The following CCDC63 variants were observed in gnomAD, a reference collection of about 807,000 sequenced individuals.
CCDC63 encodes the protein coiled-coil domain-containing protein 63.
In CCDC63, 54 loss-of-function variants were observed where a neutral mutation model predicts 63.6. The ratio of observed to expected loss-of-function variants is 0.85; its 90% CI spans 0.68 to 1.07. The LOEUF (loss-of-function observed/expected upper bound fraction) is 1.07, where lower values mean the gene tolerates loss of function less well. Among genes scored for constraint, CCDC63 ranks in the 50% least tolerant of loss-of-function variants. The pLI is 0.00. For missense variants in CCDC63, 637 were observed against 689.6 expected (o/e 0.92, Z 0.86); for synonymous variants, 253 against 266.1 (o/e 0.95, Z 0.48).
chr12:110,902,594 CCT>C (rs1009261575), intron 10 of CCDC63, among the ~76,000 whole-genome samples: 8 of 152,092 alleles, frequency 5.3e-5, no homozygotes, highest in Admixed American at 1.3e-4. Context: ...ACTATTATTC[CCT>C]CTCACCGCAG....
intron 1 of CCDC63, among the ~76,000 whole-genome samples, chr12:110,848,647 G>A (rs1363849332): frequency 2.6e-5 from 4 of 152,170 alleles, no homozygotes; most frequent in Non-Finnish European, 2.9e-5. Context: ...GGCTACGTTC[G>A]CCCAGCGTCT....
chr12:110,886,782 C>T lies in CCDC63; in HGVS notation c.1074+2532C>T, dbSNP rs559677893. On this transcript the variant is annotated intron_variant, in intron 8 of 11. Transcript: ENST00000308208. ...GGAGGTGTGGGGTGGGAGGTGCACC[C>T]GGGGGTGGGGAAGACAGACTTGAAG... Among the ~76,000 whole-genome samples the T allele has an allele frequency of 1.9e-4, 29 of 149,372 alleles. No individual in the cohort carries two copies. The South Asian group carries it at 6.1e-3, about 31-fold the overall frequency.
chr12:110,885,595 C>T (rs1386856963), intron 8 of CCDC63, among the ~76,000 whole-genome samples: 1 of 152,148 alleles, frequency 6.6e-6, no homozygotes, highest in Non-Finnish European at 1.5e-5. Flanking sequence ...CATGCATTTC[C>T]CTCCGCCACT....
intron 4 of CCDC63, among the ~76,000 whole-genome samples, chr12:110,865,606 A>G (rs1593652654): frequency 6.6e-6 from 1 of 152,344 alleles, no homozygotes; most frequent in East Asian, 1.9e-4. Flanking sequence ...TCATAGAACA[A>G]CCGTTAACTA....
chr12:110,881,296 G>C lies in CCDC63; in HGVS notation c.853G>C (p.Ala285Pro), dbSNP rs369450203. The change falls in exon 7 of 12, where the codon GCT becomes CCT. Residue 285 changes from alanine to proline, a missense_variant and splice_region_variant. Coordinates refer to ENST00000308208, the MANE Select transcript of CCDC63 (RefSeq NM_152591.3). ...EFEEQAKREE[A>P]LKAKKHVKKN... ...CGAGGAGCAGGCCAAAAGGGAGGAA[G>C]GTACACCCTCCAGGAGCAAGCTTGT... 1.2e-5 allele frequency: 20 copies of C among 1,612,624 alleles called. No individual in the cohort carries two copies. The African/African-American group carries it at 2.3e-4, about 18-fold the overall frequency.
chr12:110,882,096 GA>G (rs1421914744), intron 7 of CCDC63, among the ~76,000 whole-genome samples: 1 of 152,218 alleles, frequency 6.6e-6, no homozygotes, highest in Non-Finnish European at 1.5e-5. Flanking sequence ...CACCAAGCAA[GA>G]TCAGCACAGG....
intron 5 of CCDC63, among the ~76,000 whole-genome samples, chr12:110,878,714 C>T (rs1359310082): frequency 6.6e-6 from 1 of 152,144 alleles, no homozygotes; most frequent in Non-Finnish European, 1.5e-5. Context: ...ACTGCAGATG[C>T]CCTTACGAGG....
intron 9 of CCDC63, among the ~76,000 whole-genome samples, 184 bp downstream of exon 9, chr12:110,893,334 G>A (rs1325432871): frequency 6.6e-6 from 1 of 152,112 alleles, no homozygotes; most frequent in Non-Finnish European, 1.5e-5. Context: ...GTTTTGTCCC[G>A]GGCAGCCTCT....
intron 8 of CCDC63, among the ~76,000 whole-genome samples, chr12:110,885,229 T>C (rs947583441): frequency 2.6e-5 from 4 of 151,372 alleles, no homozygotes; most frequent in African/African-American, 9.7e-5. Context: ...CCTGCAAAGC[T>C]GAAAGTATTT....
At chr12:110,849,496 T>TC (rs1403718635) in intron 1 of CCDC63, among the ~76,000 whole-genome samples, 3 of 128,016 alleles carry the variant, frequency 2.3e-5, no homozygotes, top group Non-Finnish European at 3.3e-5. Flanking sequence ...AGCTCTTATT[T>TC]CCTTTTTTTT....
intron 8 of CCDC63, among the ~76,000 whole-genome samples, chr12:110,888,783 TTCTTTCCTTCC>T (rs1416771301): frequency 3.4e-5 from 5 of 146,230 alleles, no homozygotes; most frequent in African/African-American, 1.3e-4. Context: ...TTTTTGGTCC[TTCTTTCCTTCC>T]TTCCTTCCTT....
intron 5 of CCDC63, among the ~76,000 whole-genome samples, chr12:110,876,976 C>T (rs936292058): frequency 3.3e-5 from 5 of 151,690 alleles, no homozygotes; most frequent in African/African-American, 1.2e-4. Context: ...CCTGTGATTG[C>T]ACCATTTTAT....
Position 110,852,752 on chromosome 12 carries a change from G to A in CCDC63, c.-96-107G>A, listed in dbSNP as rs556542489. Reference sequence around the variant, plus strand: ...CTGGGTATCCTCCTCATGTGCCAAGGTGTGGGTGGAGGAAGGGATGGCAGG... The same window carrying A: ...CTGGGTATCCTCCTCATGTGCCAAGATGTGGGTGGAGGAAGGGATGGCAGG... On this transcript the variant is annotated intron_variant, in intron 1 of 11. Coordinates refer to ENST00000308208, the MANE Select transcript of CCDC63 (RefSeq NM_152591.3). 1.5e-5 allele frequency: 11 copies of A among 720,584 alleles called. No individual in the cohort carries two copies. The African/African-American group carries it at 1.9e-4, about 12-fold the overall frequency. The allele number at this position is 720,584 out of a possible 1,614,324, so 44.6% of individuals were successfully genotyped here. A position where few individuals can be genotyped will look rare whatever the true frequency, so the allele number is the denominator to read the frequency against.
At chr12:110,854,880 C>T (rs2070751713) in intron 3 of CCDC63, among the ~76,000 whole-genome samples, 1 of 152,110 alleles carries the variant, frequency 6.6e-6, no homozygotes, top group Non-Finnish European at 1.5e-5. Flanking sequence ...CTCACTGCAA[C>T]CTCTGCCTCT....
At chr12:110,850,117 T>C (rs1387602094) in intron 1 of CCDC63, among the ~76,000 whole-genome samples, 1 of 152,238 alleles carries the variant, frequency 6.6e-6, no homozygotes, top group Non-Finnish European at 1.5e-5. Context: ...CCAATGAGGA[T>C]GTTCATGGTT....
At chr12:110,895,833 G>C (rs554867435) in intron 9 of CCDC63, among the ~76,000 whole-genome samples, 5 of 152,288 alleles carry the variant, frequency 3.3e-5, no homozygotes, top group African/African-American at 1.2e-4. Context: ...CAGAAAAACT[G>C]GTAAGTCACC....
intron 8 of CCDC63, among the ~76,000 whole-genome samples, chr12:110,890,586 T>C (rs979898992): frequency 2.6e-5 from 4 of 151,916 alleles, no homozygotes; most frequent in Non-Finnish European, 4.4e-5. Flanking sequence ...TTATTGACAC[T>C]GCTTTATGAA....
chr12:110,899,721 C>A (rs1053293176), intron 10 of CCDC63, among the ~76,000 whole-genome samples: 2 of 150,728 alleles, frequency 1.3e-5, no homozygotes, highest in African/African-American at 4.9e-5. Flanking sequence ...TGGTGTGAAC[C>A]CAGTATCTAC....
chr12:110,883,387 G>A (rs1375891861), intron 7 of CCDC63, among the ~76,000 whole-genome samples: 1 of 152,174 alleles, frequency 6.6e-6, no homozygotes, highest in Non-Finnish European at 1.5e-5. Flanking sequence ...TGTCCATGCT[G>A]GTCTTGAACT....
Sources: gnomAD v4.1 joint callset for allele counts (sites outside exome capture counted in the v4.1 genomes callset) on GRCh38, gnomAD v4.1.1 for gene constraint, MANE v1.5 for transcripts, NCBI Gene and HGNC (gene_info 2026-07-23, HGNC 2026-07-21) for gene names.